OSBPL7: variants seen among roughly 807,000 people sequenced by gnomAD.
OSBPL7 encodes oxysterol-binding protein-related protein 7.
A neutral mutation model predicts 115.8 loss-of-function variants in OSBPL7; 66 were observed. The ratio of observed to expected loss-of-function variants is 0.57; its 90% CI spans 0.47 to 0.70. OSBPL7 has a LOEUF of 0.70. Among genes scored for constraint, OSBPL7 ranks in the 30% least tolerant of loss-of-function variants. OSBPL7 has a pLI of 0.00. For synonymous variants in OSBPL7, 441 were observed against 439.2 expected (o/e 1.00, Z -0.05); for missense variants, 902 against 1,125.5 (o/e 0.80, Z 2.84).
In OSBPL7 at chr17:47,818,494, G is replaced by C; in HGVS notation, c.480+12C>G. On this transcript the variant is annotated intron_variant, in intron 6 of 22. Coordinates refer to ENST00000007414, the MANE Select transcript of OSBPL7 (RefSeq NM_145798.3). ...GCCACATTACCTGCCCCCACCCCAGGGTCCACCTTACCTTCCGGTGAGCAG... is the reference window on the plus strand; with the variant it reads ...GCCACATTACCTGCCCCCACCCCAGCGTCCACCTTACCTTCCGGTGAGCAG... 6.3e-7 allele frequency: 1 copy of C among 1,592,340 alleles called. No homozygotes were observed. The highest frequency in any genetic ancestry group is 8.6e-7 in the Non-Finnish European group (1 of 1,167,478).
intron 14 of OSBPL7, 100 bp downstream of exon 14, chr17:47,814,421 G>A: frequency 8.9e-7 from 1 of 1,122,484 alleles, no homozygotes; most frequent in Non-Finnish European, 1.3e-6. Context: ...TAGCCCATCA[G>A]TCACCACAAG....
In OSBPL7 at chr17:47,809,401, T is replaced by G; in HGVS notation, c.1958A>C (p.His653Pro). The change falls in exon 19 of 23, where the codon CAC (histidine) becomes CCC (proline). Residue 653 changes from histidine to proline, a missense_variant. Physicochemically the swap from His to Pro is moderately conservative, Grantham distance 77 (BLOSUM62 -2). Coordinates refer to ENST00000007414, the MANE Select transcript of OSBPL7 (RefSeq NM_145798.3). Reference protein sequence around the residue: ...NVLSGQRWIEHYGEVLIRNTQ... With the variant: ...NVLSGQRWIEPYGEVLIRNTQ... The stretch of plus-strand genomic sequence containing the variant: ...GTTTCGGATGAGCACCTCCCCATAG[T>G]GCTCGATCCAGCGCTGACCACTCAG... The G allele has an allele frequency of 6.2e-7, 1 of 1,614,156 alleles. No homozygotes were observed. The highest frequency in any genetic ancestry group is 8.5e-7 in the Non-Finnish European group (1 of 1,180,014).
chr17:47,810,562 T>C, intron 18 of OSBPL7, 32 bp downstream of exon 18: 1 of 1,588,776 alleles, frequency 6.3e-7, no homozygotes, highest in Non-Finnish European at 8.6e-7. Flanking sequence ...GCCTGTGGCT[T>C]GGCCTGGCTG....
intron 1 of OSBPL7, among the ~76,000 whole-genome samples, chr17:47,821,054 G>A (rs2033380948): frequency 6.6e-6 from 1 of 152,262 alleles, no homozygotes; most frequent in Admixed American, 6.5e-5. Context: ...CCCACCCAGA[G>A]AGGGCAGGAC....
intron 16 of OSBPL7, 127 bp downstream of exon 16, chr17:47,813,139 G>A (rs560615451): frequency 3.9e-5 from 51 of 1,310,868 alleles, no homozygotes; most frequent in Admixed American, 9.2e-5. Context: ...CGCAGAGCCC[G>A]GCACAGAGCC....
intron 12 of OSBPL7, 79 bp from the exon 13 acceptor site, chr17:47,815,431 T>C: frequency 1.3e-6 from 2 of 1,575,624 alleles, no homozygotes; most frequent in South Asian, 1.1e-5. Flanking sequence ...TGCCTGACAG[T>C]TCCCTTGAGA....
Position 47,816,364 on chromosome 17 carries a change from G to C in OSBPL7, c.1023+24C>G. 2.0e-6 allele frequency: 3 copies of C among 1,489,708 alleles called. No individual in the cohort carries two copies. Among genetic ancestry groups the C allele is most frequent in the Non-Finnish European group, 1.8e-6 (2 of 1,116,192 alleles). 92.3% of individuals were successfully genotyped at this position (1,489,708 alleles called of 1,614,324 possible). On this transcript the variant is annotated intron_variant, in intron 11 of 22. Transcript: ENST00000007414. This position sits in a 1 kb window ranked among gnomAD's most constrained non-coding sequence, Gnocchi z 5.8. ...AGCTTGAAGCCCTCTCCCCGCACCA[G>C]TCACCCTGTCCCCCAGGCCTCACCC...
intron 5 of OSBPL7, 117 bp downstream of exon 5, chr17:47,818,869 T>C: frequency 1.0e-6 from 1 of 960,824 alleles, no homozygotes; most frequent in Non-Finnish European, 1.6e-6. Flanking sequence ...AACTTACTTT[T>C]TGTCAAACTC....
chr17:47,808,755 G>C lies in OSBPL7; in HGVS notation c.2298-95C>G. ...CTGCCCAACTCTGTCCTCTAGACAAGCCCCACTTCTCTGAGGCCACTCAGT... is the reference window on the plus strand; with the variant it reads ...CTGCCCAACTCTGTCCTCTAGACAACCCCCACTTCTCTGAGGCCACTCAGT... On this transcript the variant is annotated intron_variant, in intron 21 of 22. Transcript: ENST00000007414. This position sits in a 1 kb window ranked among gnomAD's most constrained non-coding sequence, Gnocchi z 6.1. 1 of 1,602,234 alleles carries C rather than the reference G, an allele frequency of 6.2e-7. No individual in the cohort carries two copies. The highest frequency in any genetic ancestry group is 8.5e-7 in the Non-Finnish European group (1 of 1,172,622).
At chr17:47,814,773 G>T in intron 13 of OSBPL7, 159 bp from the exon 14 acceptor site, 1 of 659,336 alleles carries the variant, frequency 1.5e-6, no homozygotes. Context: ...GCCCCGGGAT[G>T]CCTGGCATCA....
chr17:47,815,583 C>T (rs191033349), intron 12 of OSBPL7: 65 of 556,702 alleles, frequency 1.2e-4, no homozygotes, highest in African/African-American at 1.1e-3. Context: ...TAACTGTTTA[C>T]ACTTCCTGGC....
chr17:47,816,302 C>T lies in OSBPL7; in HGVS notation c.1023+86G>A, dbSNP rs1477619771. On this transcript the variant is annotated intron_variant, in intron 11 of 22. Transcript: ENST00000007414. The surrounding 1 kb of genome is among the most constrained non-coding windows in gnomAD (Gnocchi z 5.8). ...TGCCTCTGCCAACCCCCCACCCTGA[C>T]CCAGATCTGCTATCGGACCCCAGGC... 6.7e-7 allele frequency: 1 copy of T among 1,488,582 alleles called. No individual in the cohort carries two copies. Among genetic ancestry groups the T allele is most frequent in the African/African-American group, 1.4e-5 (1 of 71,480 alleles). The allele number at this position is 1,488,582 out of a possible 1,614,324, so 92.2% of individuals were successfully genotyped here.
Position 47,809,549 on chromosome 17 carries a change from T to C in OSBPL7, c.1881-71A>G, listed in dbSNP as rs984579626. 2.4e-5 allele frequency: 37 copies of C among 1,554,158 alleles called. No individual in the cohort carries two copies. The Admixed American group carries it at 5.3e-4, about 22-fold the overall frequency. The stretch of plus-strand genomic sequence containing the variant: ...ACAAGTGAGTCAGGGGCCTCCTGTC[T>C]TGCTGAAGCAGGTCATGTGGGCCTG... On this transcript the variant is annotated intron_variant, in intron 18 of 22. Coordinates refer to ENST00000007414, the MANE Select transcript of OSBPL7 (RefSeq NM_145798.3).
At chr17:47,815,806 C>T (rs549770274) in intron 12 of OSBPL7, 3 of 345,830 alleles carry the variant, frequency 8.7e-6, no homozygotes, top group Middle Eastern at 7.6e-4. Flanking sequence ...CAGTTCAGCC[C>T]GTCTATAATT....
At chr17:47,817,198 G>A (rs1312139353) in intron 8 of OSBPL7, 58 bp downstream of exon 8, 1 of 1,346,810 alleles carries the variant, frequency 7.4e-7, no homozygotes, top group Non-Finnish European at 1.0e-6. Context: ...GACCCATCCT[G>A]GGGAAGTGAT....
intron 16 of OSBPL7, among the ~76,000 whole-genome samples, chr17:47,812,251 C>CCTCA (rs1413265954): frequency 6.6e-6 from 1 of 152,226 alleles, no homozygotes; most frequent in African/African-American, 2.4e-5. Flanking sequence ...CGATGACACC[C>CCTCA]CTCAGGTCCC....
intron 18 of OSBPL7, among the ~76,000 whole-genome samples, chr17:47,809,751 A>C (rs2032977585): frequency 6.6e-6 from 1 of 152,216 alleles, no homozygotes; most frequent in Non-Finnish European, 1.5e-5. Flanking sequence ...CCTGGGCACC[A>C]GGAACCGTGT....
At chr17:47,818,850 C>T (rs181545777) in intron 5 of OSBPL7, 136 bp downstream of exon 5, 180 of 859,088 alleles carry the variant, frequency 2.1e-4, no homozygotes, top group African/African-American at 1.9e-3. Flanking sequence ...GCTGTTTTTA[C>T]AGGATGGAAA....
chr17:47,814,599 C>T lies in OSBPL7; in HGVS notation c.1273G>A (p.Glu425Lys). The change falls in exon 14 of 23, where the codon GAG becomes AAG. Residue 425 changes from glutamate to lysine, a missense_variant. Transcript: ENST00000007414. Reference protein sequence around the residue: ...SSENEGSEEEESCTSEITTSL... With the variant: ...SSENEGSEEEKSCTSEITTSL... ...GTGGTGATTTCACTGGTACAGGACTCCTCCTCCTCTGAGCCCTGGGCCAGG... is the reference window on the plus strand; with the variant it reads ...GTGGTGATTTCACTGGTACAGGACTTCTCCTCCTCTGAGCCCTGGGCCAGG... 2 of 1,613,088 alleles carry T rather than the reference C, an allele frequency of 1.2e-6. No individual in the cohort carries two copies. The highest frequency in any genetic ancestry group is 2.2e-5 in the South Asian group (2 of 91,070).
Sources: allele counts gnomAD v4.1 joint callset (sites outside exome capture counted in the v4.1 genomes callset), GRCh38; gene constraint gnomAD v4.1.1; non-coding constraint Gnocchi (gnomAD v3.1); transcripts MANE v1.5; gene names NCBI Gene and HGNC (gene_info 2026-07-23, HGNC 2026-07-21).